The following BMERB1 variants were observed in gnomAD, a reference collection of about 807,000 sequenced individuals.
The protein encoded by BMERB1 is bMERB domain-containing protein 1.
BMERB1 carries 12 observed loss-of-function variants against 23.6 expected under a neutral mutation model. The ratio of observed to expected loss-of-function variants is 0.51; its 90% confidence interval spans 0.33 to 0.82. BMERB1 has a LOEUF of 0.82. BMERB1 is among the 40% of genes least tolerant of loss of function. The pLI is 0.03. For synonymous variants in BMERB1, 122 were observed against 96.6 expected (o/e 1.26, Z -1.54); for missense variants, 247 against 255.4 (o/e 0.97, Z 0.22).
rs201513119 is a variant in BMERB1, at chr16:15,507,273, G to A, written c.107-8032G>A. ...ATCACCTCCACCACTCCTGTCCCTG[G>A]GTAGCCTTACTTTTTGTTTTGTTTT... On this transcript the variant is annotated intron_variant, in intron 1 of 5. Coordinates refer to ENST00000300006, the MANE Select transcript of BMERB1 (RefSeq NM_033201.3). 9.2e-5 allele frequency among the ~76,000 whole-genome samples: 14 copies of A among 152,216 alleles called. No individual in the cohort carries two copies. In the East Asian group the frequency reaches 2.5e-3, roughly 27 times the overall value.
chr16:15,477,534 G>T (rs2051284577), intron 1 of BMERB1, among the ~76,000 whole-genome samples: 1 of 152,072 alleles, frequency 6.6e-6, no homozygotes, highest in Non-Finnish European at 1.5e-5. Flanking sequence ...AGGAGGTTGA[G>T]GCAAGAGGAT....
chr16:15,494,634 C>G (rs1246788810), intron 1 of BMERB1, among the ~76,000 whole-genome samples: 1 of 152,038 alleles, frequency 6.6e-6, no homozygotes, highest in Non-Finnish European at 1.5e-5. Flanking sequence ...ACGGAGTTTG[C>G]TTTTTGGAAT....
At chr16:15,539,562 G>A (rs1322294147) in intron 2 of BMERB1, among the ~76,000 whole-genome samples, 1 of 151,616 alleles carries the variant, frequency 6.6e-6, no homozygotes, top group African/African-American at 2.4e-5. Flanking sequence ...ATTTTTTTTC[G>A]GCCAGGCATG....
At chr16:15,526,939 TAA>T (rs1056384843) in intron 2 of BMERB1, among the ~76,000 whole-genome samples, 1 of 148,012 alleles carries the variant, frequency 6.8e-6, no homozygotes, top group African/African-American at 2.5e-5. Context: ...TAAATAATAA[TAA>T]AATATAATAA....
intron 1 of BMERB1, among the ~76,000 whole-genome samples, chr16:15,478,838 T>C (rs1306873024): frequency 6.6e-6 from 1 of 152,222 alleles, no homozygotes; most frequent in Non-Finnish European, 1.5e-5. Context: ...GTTATTATTG[T>C]TACTGACTCC....
At chr16:15,584,285 C>T (rs549654559) in intron 5 of BMERB1, 7 of 443,020 alleles carry the variant, frequency 1.6e-5, no homozygotes, top group South Asian at 5.9e-5. Context: ...CCTGGCTGGG[C>T]GCGGTGGCTC....
At chr16:15,461,512 A>G (rs1900153050) in intron 1 of BMERB1, among the ~76,000 whole-genome samples, 2 of 152,178 alleles carry the variant, frequency 1.3e-5, no homozygotes, top group Admixed American at 6.6e-5. Flanking sequence ...GCCCGGAATA[A>G]AACGGGCAAA....
chr16:15,527,220 A>G (rs2051918350), intron 2 of BMERB1, among the ~76,000 whole-genome samples: 1 of 152,082 alleles, frequency 6.6e-6, no homozygotes, highest in Non-Finnish European at 1.5e-5. Flanking sequence ...GTACCATTCA[A>G]CACTCACTCC....
intron 2 of BMERB1, among the ~76,000 whole-genome samples, chr16:15,537,623 G>A (rs1567490158): frequency 6.6e-6 from 1 of 151,548 alleles, no homozygotes; most frequent in Non-Finnish European, 1.5e-5. Context: ...CAAAGTGCTG[G>A]GATTACAGGC....
chr16:15,563,674 C>T (rs749025374), intron 2 of BMERB1, among the ~76,000 whole-genome samples: 4 of 152,094 alleles, frequency 2.6e-5, no homozygotes, highest in South Asian at 2.1e-4. Flanking sequence ...GGAAGTCTTA[C>T]GTGGCTGGAG....
chr16:15,447,849 C>T (rs779307502), intron 1 of BMERB1: 33 of 455,642 alleles, frequency 7.2e-5, no homozygotes, highest in Middle Eastern at 6.5e-4. Flanking sequence ...CAATATGGGG[C>T]CATTGGAGGA....
chr16:15,523,439 A>G (rs1217058177), intron 2 of BMERB1, among the ~76,000 whole-genome samples: 1 of 152,126 alleles, frequency 6.6e-6, no homozygotes, highest in African/African-American at 2.4e-5. Context: ...GTGGGGGTGG[A>G]GCCCTTACCA....
At chr16:15,508,052 G>C (rs952167963) in intron 1 of BMERB1, among the ~76,000 whole-genome samples, 1 of 152,162 alleles carries the variant, frequency 6.6e-6, no homozygotes, top group African/African-American at 2.4e-5. Context: ...TACAACAAGA[G>C]CTTTGGAGTA....
chr16:15,457,045 C>T (rs932002196), intron 1 of BMERB1, among the ~76,000 whole-genome samples: 1 of 152,070 alleles, frequency 6.6e-6, no homozygotes, highest in Non-Finnish European at 1.5e-5. Flanking sequence ...AGGCTGGTTT[C>T]GAACTCCTGA....
chr16:15,458,717 CA>C (rs1162694311), intron 1 of BMERB1, among the ~76,000 whole-genome samples: 2,521 of 80,262 alleles, frequency 0.031, 37 homozygotes, highest in African/African-American at 0.081. Context: ...ACCGTGTGTC[CA>C]AAAAAAAAAA....
chr16:15,557,889 A>G (rs756728200), intron 2 of BMERB1, among the ~76,000 whole-genome samples: 7 of 152,140 alleles, frequency 4.6e-5, no homozygotes, highest in Non-Finnish European at 8.8e-5. Flanking sequence ...TCCTAAAAAT[A>G]CAAAAATTAG....
intron 1 of BMERB1, among the ~76,000 whole-genome samples, chr16:15,454,433 A>C (rs1401038337): frequency 1.3e-5 from 2 of 152,222 alleles, no homozygotes; most frequent in African/African-American, 4.8e-5. Flanking sequence ...CAAAGAGATT[A>C]CAGCACAGAC....
At chr16:15,565,051 G>T (rs1483919619) in intron 2 of BMERB1, among the ~76,000 whole-genome samples, 1 of 146,732 alleles carries the variant, frequency 6.8e-6, no homozygotes, top group Admixed American at 6.8e-5. Flanking sequence ...ATTCCTTTAT[G>T]CAAAAAAAAA....
chr16:15,497,078 C>G (rs2051480270), intron 1 of BMERB1, among the ~76,000 whole-genome samples: 1 of 152,148 alleles, frequency 6.6e-6, no homozygotes, highest in East Asian at 1.9e-4. Context: ...GACAGGCAAT[C>G]CTGCTGACAC....
Sources: gnomAD v4.1 joint callset for allele counts (sites outside exome capture counted in the v4.1 genomes callset) on GRCh38, gnomAD v4.1.1 for gene constraint, MANE v1.5 for transcripts, NCBI Gene and HGNC (gene_info 2026-07-23, HGNC 2026-07-21) for gene names.